The following WDFY4 variants were observed in gnomAD, a reference collection of about 807,000 sequenced individuals.
WDFY4 encodes WD repeat- and FYVE domain-containing protein 4.
A neutral mutation model predicts 351.9 loss-of-function variants in WDFY4; 169 were observed. The ratio of observed to expected loss-of-function variants is 0.48; its 90% CI spans 0.42 to 0.55. The LOEUF (loss-of-function observed/expected upper bound fraction) is 0.55. Ranked by LOEUF, WDFY4 falls within the 20% of genes least tolerant of loss-of-function variation. The pLI is 0.00. For synonymous variants in WDFY4, 1,622 were observed against 1,574.6 expected (o/e 1.03, Z -0.71); for missense variants, 3,803 against 3,935.6 (o/e 0.97, Z 0.90).
chr10:48,801,471 A>T (rs144303841), intron 24 of WDFY4: 1 of 455,652 alleles, frequency 2.2e-6, no homozygotes, highest in Admixed American at 2.4e-5. Context: ...ATGAATCAAT[A>T]TCCTAAGTGT....
At chr10:48,834,274 A>G (rs735104) in intron 39 of WDFY4, among the ~76,000 whole-genome samples, 66,750 of 151,982 alleles carry the variant, frequency 0.44, 15,537 homozygotes, top group East Asian at 0.83. Flanking sequence ...TGAATCTGAA[A>G]AAAAAAAAGA....
At chr10:48,963,799 A>G (rs113153143) in intron 53 of WDFY4, 43 bp from the exon 54 acceptor site, 2 of 1,541,066 alleles carry the variant, frequency 1.3e-6, no homozygotes, top group African/African-American at 1.4e-5. Flanking sequence ...GCATGAGTCC[A>G]TGAGTGGCCT....
In WDFY4 at chr10:48,848,789, C is replaced by T. The variant is rs375484062; in HGVS notation, c.6663+16080C>T. Among the ~76,000 whole-genome samples, 164 of 152,322 alleles carry T rather than the reference C, an allele frequency of 1.1e-3. 3 individuals carry two copies. The South Asian group carries it at 0.033, about 30-fold the overall frequency. ...CTACTGCTGTGGCACCCCGAGGAGG[C>T]GAGCTGGGAAAGAGAATGTTCATGA... On this transcript the variant is annotated intron_variant, in intron 39 of 61. Coordinates refer to ENST00000325239, the MANE Select transcript of WDFY4 (RefSeq NM_001394531.1).
chr10:48,878,492 C>T (rs2070118252), intron 43 of WDFY4: 1 of 152,248 alleles, frequency 6.6e-6, no homozygotes, highest in South Asian at 2.1e-4. Context: ...ATTTGGGTCA[C>T]AGTTCAAGCA....
At position 48,707,199 on chromosome 10, in the gene WDFY4, T is replaced by A. The variant is rs192660519; in HGVS notation, c.-17-2517T>A. ...CATACTCATTAGTAACTTAGAGAAA[T>A]GCAAATTAAAATGACAATGCAAGGT... On this transcript the variant is annotated intron_variant, in intron 1 of 61. Coordinates refer to ENST00000325239, the MANE Select transcript of WDFY4 (RefSeq NM_001394531.1). Among the ~76,000 whole-genome samples, 32 of 152,214 alleles carry A rather than the reference T, an allele frequency of 2.1e-4. No individual in the cohort carries two copies. The East Asian group carries it at 5.4e-3, about 26-fold the overall frequency.
chr10:48,911,402 C>T (rs763711025), intron 47 of WDFY4, among the ~76,000 whole-genome samples: 16 of 152,246 alleles, frequency 1.1e-4, no homozygotes, highest in Non-Finnish European at 2.1e-4. Context: ...CACCCTTTAA[C>T]ACAATATTTC....
At chr10:48,722,354 T>C (rs1388905024) in intron 4 of WDFY4, among the ~76,000 whole-genome samples, 2 of 152,038 alleles carry the variant, frequency 1.3e-5, no homozygotes, top group African/African-American at 4.8e-5. Flanking sequence ...TAAGGGCTTG[T>C]TTTTCACTGC....
chr10:48,876,374 T>C (rs1483221688), intron 42 of WDFY4, among the ~76,000 whole-genome samples: 1 of 152,252 alleles, frequency 6.6e-6, no homozygotes, highest in African/African-American at 2.4e-5. Flanking sequence ...CTCTAGTTCT[T>C]AGAAGCCATA....
At chr10:48,836,812 G>A (rs1358977022) in intron 39 of WDFY4, among the ~76,000 whole-genome samples, 1 of 152,166 alleles carries the variant, frequency 6.6e-6, no homozygotes, top group African/African-American at 2.4e-5. Context: ...GGCCACCAAA[G>A]GGCAACTCAG....
intron 43 of WDFY4, among the ~76,000 whole-genome samples, chr10:48,886,400 A>G (rs1435514043): frequency 6.6e-6 from 1 of 152,212 alleles, no homozygotes; most frequent in African/African-American, 2.4e-5. Context: ...TGCCATTGTA[A>G]CAGTATTAAG....
chr10:48,766,464 C>T (rs1336114861), intron 13 of WDFY4, among the ~76,000 whole-genome samples: 1 of 152,122 alleles, frequency 6.6e-6, no homozygotes, highest in Non-Finnish European at 1.5e-5. Context: ...GTGGTGTGCA[C>T]CTGTAGTCCC....
chr10:48,743,098 G>C lies in WDFY4; in HGVS notation c.2009G>C (p.Gly670Ala), dbSNP rs1187412077. The C allele has an allele frequency of 1.9e-6, 3 of 1,551,698 alleles. No individual in the cohort carries two copies. The South Asian group carries it at 3.6e-5, about 18-fold the overall frequency. The change falls in exon 12 of 62, where the codon GGA becomes GCA. Residue 670 changes from glycine (G) to alanine (A), a missense_variant. By Grantham distance (60) the Gly-to-Ala change is moderately conservative (BLOSUM62 0). Transcript: ENST00000325239. Reference protein sequence around the residue: ...SLQEPPLQAWGAVSPRQTLEL... With the variant: ...SLQEPPLQAWAAVSPRQTLEL... ...CAGGAGCCCCCGCTGCAGGCATGGG[G>C]AGCAGTATCCCCCAGACAGACCCTG...
Position 48,868,117 on chromosome 10 carries a change from C to T in WDFY4, c.6741+775C>T, listed in dbSNP as rs115489107. 3.1e-3 allele frequency among the ~76,000 whole-genome samples: 477 copies of T among 152,264 alleles called. 2 individuals are homozygous for T. The highest frequency in any genetic ancestry group is 0.011 in the African/African-American group (446 of 41,548). ...AGCAGGAAGGCTTACACATGGTGCCCGGTGCCAGGAAACAGAAGAGGCACT... is the reference window on the plus strand; with the variant it reads ...AGCAGGAAGGCTTACACATGGTGCCTGGTGCCAGGAAACAGAAGAGGCACT... On this transcript the variant is annotated intron_variant, in intron 40 of 61. Coordinates refer to ENST00000325239, the MANE Select transcript of WDFY4 (RefSeq NM_001394531.1).
intron 19 of WDFY4, among the ~76,000 whole-genome samples, chr10:48,783,370 T>G (rs2066290061): frequency 6.6e-6 from 1 of 152,106 alleles, no homozygotes; most frequent in Non-Finnish European, 1.5e-5. Context: ...CACTATTTTT[T>G]ATTGTTCTTT....
intron 9 of WDFY4, 148 bp downstream of exon 9, chr10:48,731,710 A>G: frequency 9.8e-7 from 1 of 1,019,266 alleles, no homozygotes; most frequent in Non-Finnish European, 1.4e-6. Flanking sequence ...CAGTTTCACA[A>G]AAGACAGGCA....
intron 47 of WDFY4, among the ~76,000 whole-genome samples, chr10:48,912,980 C>T (rs1838143477): frequency 1.3e-5 from 2 of 152,324 alleles, no homozygotes; most frequent in African/African-American, 2.4e-5. Context: ...CTTTGAAGCC[C>T]AGACCCAAAA....
chr10:48,748,450 C>T (rs889832283), intron 12 of WDFY4, among the ~76,000 whole-genome samples: 6 of 152,116 alleles, frequency 3.9e-5, no homozygotes, highest in African/African-American at 7.2e-5. Context: ...TCTGTGCGTG[C>T]GTGTATGTGC....
At chr10:48,924,146 T>A (rs1177333102) in intron 47 of WDFY4, among the ~76,000 whole-genome samples, 1 of 152,030 alleles carries the variant, frequency 6.6e-6, no homozygotes, top group Admixed American at 6.5e-5. Context: ...CCCCAGGGAG[T>A]CTGGGTCCCT....
intron 19 of WDFY4, among the ~76,000 whole-genome samples, chr10:48,782,609 A>G (rs183151330): frequency 1.6e-3 from 250 of 152,374 alleles, no homozygotes; most frequent in Non-Finnish European, 2.9e-3. Context: ...AAGTTGGGTC[A>G]GGACCAGCAA....
Sources: gnomAD v4.1 joint callset for allele counts (sites outside exome capture counted in the v4.1 genomes callset) on GRCh38, gnomAD v4.1.1 for gene constraint, MANE v1.5 for transcripts, NCBI Gene and HGNC (gene_info 2026-07-23, HGNC 2026-07-21) for gene names.